Variants in ZNF618 observed in about 807,000 individuals in gnomAD.
ZNF618 encodes the protein zinc finger protein 618.
ZNF618 carries 34 observed loss-of-function variants against 103.0 expected under a neutral mutation model. That is an observed-to-expected ratio of 0.33 (90% confidence interval 0.25 to 0.44). The LOEUF (loss-of-function observed/expected upper bound fraction) is 0.44. Among genes scored for constraint, ZNF618 ranks in the 20% least tolerant of loss-of-function variants. The pLI is 1.00. For synonymous variants in ZNF618, 551 were observed against 542.2 expected (o/e 1.02, Z -0.23); for missense variants, 1,059 against 1,295.4 (o/e 0.82, Z 2.80).
At chr9:113,971,094 G>A (rs1362727204) in intron 2 of ZNF618, among the ~76,000 whole-genome samples, 3 of 151,358 alleles carry the variant, frequency 2.0e-5, no homozygotes, top group African/African-American at 7.3e-5. Flanking sequence ...CCAGCGTTTT[G>A]TGTTTCTCTC....
In ZNF618 at chr9:114,008,466, T is replaced by G; in HGVS notation, c.677-11T>G. On this transcript the variant is annotated splice_polypyrimidine_tract_variant and intron_variant, in intron 8 of 14. Coordinates refer to ENST00000374126, the MANE Select transcript of ZNF618 (RefSeq NM_001318042.2). ...GGACCAGGGTGCTAAGGGCCGTGTG[T>G]TCTCCCACAGACCCCTTCGACCAAG... 1 of 1,613,954 alleles carries G rather than the reference T, an allele frequency of 6.2e-7. No homozygotes were observed. The highest frequency in any genetic ancestry group is 8.5e-7 in the Non-Finnish European group (1 of 1,179,876).
intron 9 of ZNF618, 116 bp downstream of exon 9, chr9:114,008,670 A>C: frequency 4.2e-6 from 5 of 1,203,668 alleles, no homozygotes; most frequent in Non-Finnish European, 6.0e-6. Context: ...AACTGCAGCA[A>C]TGGTGCCCAA....
chr9:114,027,963 T>C (rs1210507528), intron 10 of ZNF618: 1 of 152,016 alleles, frequency 6.6e-6, no homozygotes, highest in Admixed American at 6.6e-5. Context: ...CAGGTTGAAG[T>C]GTGGAAGTGT....
chr9:114,036,385 G>A lies in ZNF618; in HGVS notation c.1246+8G>A, dbSNP rs1164475293. The A allele has an allele frequency of 6.4e-7, 1 of 1,569,334 alleles. No individual in the cohort carries two copies. Among genetic ancestry groups the A allele is most frequent in the Non-Finnish European group, 8.6e-7 (1 of 1,156,510 alleles). ...ACATGCAGTCCCATGCAGGTAAGTA[G>A]GATACGGCTTCTCTCCCCCTCTCCT... On this transcript the variant is annotated splice_region_variant and intron_variant, in intron 13 of 14. Transcript: ENST00000374126.
chr9:113,901,417 T>G (rs1276023515), intron 1 of ZNF618, among the ~76,000 whole-genome samples: 3 of 152,250 alleles, frequency 2.0e-5, no homozygotes, highest in East Asian at 1.9e-4. Flanking sequence ...AGGGAACTGC[T>G]CTTGCGGCTG....
Position 113,920,137 on chromosome 9 carries a change from C to A in ZNF618, c.33+43724C>A, listed in dbSNP as rs1277542959. Among the ~76,000 whole-genome samples, 4 of 152,190 alleles carry A rather than the reference C, an allele frequency of 2.6e-5. No homozygotes were observed. In the East Asian group the frequency reaches 7.7e-4, roughly 29 times the overall value. ...CCCAGGTATCCCAAGTTCATTCTCC[C>A]TTGGGCCTTTGTACTCCCAAGTTCC... On this transcript the variant is annotated intron_variant, in intron 1 of 14. Coordinates refer to ENST00000374126, the MANE Select transcript of ZNF618 (RefSeq NM_001318042.2).
At chr9:113,885,416 C>T (rs1828969422) in intron 1 of ZNF618, among the ~76,000 whole-genome samples, 1 of 152,134 alleles carries the variant, frequency 6.6e-6, no homozygotes, top group Non-Finnish European at 1.5e-5. Context: ...ATAACTAGTA[C>T]GAATTATTAG....
chr9:113,928,866 A>G (rs987778786), intron 1 of ZNF618, among the ~76,000 whole-genome samples: 6 of 152,214 alleles, frequency 3.9e-5, no homozygotes, highest in South Asian at 2.1e-4. Flanking sequence ...TGTGATCTTC[A>G]GAAAAATTTC....
At chr9:113,962,354 G>A (rs1230133198) in intron 1 of ZNF618, among the ~76,000 whole-genome samples, 2 of 152,034 alleles carry the variant, frequency 1.3e-5, no homozygotes, top group East Asian at 1.9e-4. Flanking sequence ...GGACTGCTCC[G>A]TAGCCCTGCC....
At chr9:114,035,255 G>A (rs543804699) in intron 12 of ZNF618, 35 of 985,902 alleles carry the variant, frequency 3.6e-5, no homozygotes, top group Admixed American at 1.2e-4. Context: ...GGTCCCGTTG[G>A]GGGGCTGGAG....
chr9:114,022,443 T>G (rs368409011), intron 10 of ZNF618, among the ~76,000 whole-genome samples: 4 of 152,134 alleles, frequency 2.6e-5, no homozygotes, highest in African/African-American at 9.6e-5. Flanking sequence ...TTCCAAATAT[T>G]TGGGAATTAT....
At chr9:114,036,042 C>T (rs376379396) in intron 12 of ZNF618, among the ~76,000 whole-genome samples, 9 of 152,218 alleles carry the variant, frequency 5.9e-5, no homozygotes, top group East Asian at 5.8e-4. Context: ...GTGGCTGGCA[C>T]GCAGTAAGCA....
At chr9:113,956,743 C>T (rs1588147631) in intron 1 of ZNF618, among the ~76,000 whole-genome samples, 1 of 152,158 alleles carries the variant, frequency 6.6e-6, no homozygotes, top group Admixed American at 6.5e-5. Flanking sequence ...AGTAGACTGT[C>T]GTCTAGGCAG....
chr9:113,958,627 A>G (rs1836540119), intron 1 of ZNF618, among the ~76,000 whole-genome samples: 1 of 152,236 alleles, frequency 6.6e-6, no homozygotes, highest in African/African-American at 2.4e-5. Context: ...ATCATGATGC[A>G]TCCAGCGTCC....
At chr9:113,944,173 C>T (rs1227744862) in intron 1 of ZNF618, among the ~76,000 whole-genome samples, 1 of 152,230 alleles carries the variant, frequency 6.6e-6, no homozygotes, top group African/African-American at 2.4e-5. Context: ...CAGATAAATA[C>T]ACTCTTGGGC....
At chr9:113,951,471 G>GTA (rs371458305) in intron 1 of ZNF618, among the ~76,000 whole-genome samples, 6 of 27,152 alleles carry the variant, frequency 2.2e-4, no homozygotes, top group Admixed American at 4.8e-4. Flanking sequence ...ATATATGTGT[G>GTA]TATGTGTACA....
intron 13 of ZNF618, among the ~76,000 whole-genome samples, chr9:114,045,699 C>T (rs1286139415): frequency 6.6e-6 from 1 of 151,920 alleles, no homozygotes; most frequent in Non-Finnish European, 1.5e-5. Flanking sequence ...TATTCTGTAT[C>T]TCTTGCATTT....
At chr9:114,046,932 A>G (rs1386099342) in intron 13 of ZNF618, among the ~76,000 whole-genome samples, 1 of 152,226 alleles carries the variant, frequency 6.6e-6, no homozygotes, top group Non-Finnish European at 1.5e-5. Context: ...GGATTATTAC[A>G]TCACAGGATC....
At chr9:113,983,243 A>T (rs555154022) in intron 2 of ZNF618, among the ~76,000 whole-genome samples, 1 of 152,336 alleles carries the variant, frequency 6.6e-6, no homozygotes, top group South Asian at 2.1e-4. Context: ...ATGAAAAAAA[A>T]ATTTTAAAGA....
Sources: gnomAD v4.1 joint callset for allele counts (sites outside exome capture counted in the v4.1 genomes callset) on GRCh38, gnomAD v4.1.1 for gene constraint, MANE v1.5 for transcripts, NCBI Gene and HGNC (gene_info 2026-07-23, HGNC 2026-07-21) for gene names.